PTPRG: variants seen among roughly 807,000 people sequenced by gnomAD.
The protein encoded by PTPRG is protein tyrosine phosphatase receptor type G.
A neutral mutation model predicts 165.3 loss-of-function variants in PTPRG; 102 were observed. The observed-to-expected ratio is 0.62, with a 90% CI of 0.53 to 0.73. The LOEUF (loss-of-function observed/expected upper bound fraction) is 0.73. PTPRG is among the 30% of genes least tolerant of loss of function. The probability of loss-of-function intolerance (pLI) is 0.00; values close to 1 mark genes in which losing one functional copy is unlikely to be tolerated. For missense variants in PTPRG, 1,866 were observed against 1,861.4 expected, an observed-to-expected ratio of 1.00 and a Z score of -0.05; for synonymous variants, 675 against 669.5, an observed-to-expected ratio of 1.01 and a Z score of -0.13.
intron 5 of PTPRG, among the ~76,000 whole-genome samples, chr3:62,097,710 G>C (rs1023156366): frequency 3.6e-4 from 54 of 152,102 alleles, no homozygotes; most frequent in Non-Finnish European, 6.6e-4. Context: ...AAAGAAGCAT[G>C]GTGTTGATTT....
rs542130534 is a variant in PTPRG, at chr3:61,949,866, G to C, written c.191-39759G>C. On this transcript the variant is annotated intron_variant, in intron 2 of 29. Coordinates refer to ENST00000474889, the MANE Select transcript of PTPRG (RefSeq NM_002841.4). ...GGGTTCAAGCAATTCTCCTGCCTCA[G>C]CCTCCTGAGTAGTTGGGACTACAGG... Among the ~76,000 whole-genome samples, 34 of 152,148 alleles carry C rather than the reference G, an allele frequency of 2.2e-4. No homozygotes were observed. The East Asian group carries it at 5.2e-3, about 23-fold the overall frequency.
chr3:62,117,950 A>G (rs1702925068), intron 5 of PTPRG, among the ~76,000 whole-genome samples: 1 of 152,208 alleles, frequency 6.6e-6, no homozygotes, highest in African/African-American at 2.4e-5. Context: ...TAATTTTAAC[A>G]GTAATGTTTA....
At chr3:62,248,881 T>C (rs778585946) in intron 15 of PTPRG, among the ~76,000 whole-genome samples, 12 of 152,280 alleles carry the variant, frequency 7.9e-5, no homozygotes, top group Non-Finnish European at 1.3e-4. Context: ...AAATACATCT[T>C]AATAATTTGA....
chr3:61,799,495 T>G (rs577110016), intron 2 of PTPRG, among the ~76,000 whole-genome samples: 1 of 152,180 alleles, frequency 6.6e-6, no homozygotes, highest in Non-Finnish European at 1.5e-5. Flanking sequence ...TCTCAGACTT[T>G]CCTTGTTCTT....
chr3:61,614,135 C>T lies in PTPRG; in HGVS notation c.85+51763C>T, dbSNP rs528940025. On this transcript the variant is annotated intron_variant, in intron 1 of 29. Coordinates refer to ENST00000474889, the MANE Select transcript of PTPRG (RefSeq NM_002841.4). ...GGCCTGCCTCCGCCTCTCACCTCTT[C>T]GCCTGTTGTTCCTCACTCACTCACT... Among the ~76,000 whole-genome samples the T allele has an allele frequency of 5.3e-4, 81 of 152,292 alleles. 6 individuals carry two copies. The South Asian group carries it at 0.016, about 30-fold the overall frequency.
At chr3:62,053,770 G>A (rs540622233) in intron 4 of PTPRG, among the ~76,000 whole-genome samples, 1 of 152,226 alleles carries the variant, frequency 6.6e-6, no homozygotes, top group Admixed American at 6.5e-5. Context: ...TCATCTAAAT[G>A]TAAACTAAAA....
chr3:61,656,527 T>C (rs2107006939), intron 1 of PTPRG, among the ~76,000 whole-genome samples: 1 of 152,360 alleles, frequency 6.6e-6, no homozygotes. Context: ...GCCAATTACT[T>C]GGTACCACTG....
At position 62,152,184 on chromosome 3, in the gene PTPRG, A is replaced by T. The variant is rs144808847; in HGVS notation, c.683-4883A>T. Among the ~76,000 whole-genome samples the T allele has an allele frequency of 2.1e-3, 325 of 151,616 alleles. 2 individuals carry two copies. Among genetic ancestry groups the T allele is most frequent in the African/African-American group, 6.5e-3 (268 of 41,276 alleles). On this transcript the variant is annotated intron_variant, in intron 6 of 29. Coordinates refer to ENST00000474889, the MANE Select transcript of PTPRG (RefSeq NM_002841.4). ...AGTTTGGGACCAGCTTGGGCAACAC[A>T]GCAAGACCTCATGTCTACTAATTTT... is the stretch of plus-strand genomic sequence containing the variant.
At chr3:62,100,267 G>A (rs1702244614) in intron 5 of PTPRG, among the ~76,000 whole-genome samples, 1 of 152,102 alleles carries the variant, frequency 6.6e-6, no homozygotes, top group Non-Finnish European at 1.5e-5. Flanking sequence ...CCAATTCTCA[G>A]CTCTGGTGAC....
intron 1 of PTPRG, among the ~76,000 whole-genome samples, chr3:61,736,632 A>G (rs936454244): frequency 2.6e-5 from 4 of 152,074 alleles, no homozygotes; most frequent in African/African-American, 9.7e-5. Context: ...TTGCTTTCCA[A>G]ACTTTTTCTT....
At position 62,295,333 on chromosome 3, in the gene PTPRG, G is replaced by A. The variant is rs769856425; in HGVS notation, c.*2026G>A. 1 of 152,036 alleles carries A rather than the reference G, an allele frequency of 6.6e-6. No homozygotes were observed. The highest frequency in any genetic ancestry group is 6.6e-5 in the Admixed American group (1 of 15,232). 9.4% of individuals were successfully genotyped at this position (152,036 alleles called of 1,614,324 possible). ...GACTCTTTTTTTAGTCAATTAAGTG[G>A]GTTGTTTTAGATGTATAGAGTATTG... On this transcript the variant is annotated 3_prime_UTR_variant, in exon 30 of 30. Transcript: ENST00000474889.
At chr3:62,000,116 A>G (rs1478396267) in intron 3 of PTPRG, among the ~76,000 whole-genome samples, 1 of 152,068 alleles carries the variant, frequency 6.6e-6, no homozygotes, top group African/African-American at 2.4e-5. Flanking sequence ...CAGCCTGGCT[A>G]ACATGGTGAA....
chr3:61,902,794 C>G (rs938086951), intron 2 of PTPRG, among the ~76,000 whole-genome samples: 1 of 151,996 alleles, frequency 6.6e-6, no homozygotes, highest in Non-Finnish European at 1.5e-5. Context: ...TAATATGTAT[C>G]TATCATTGTT....
intron 1 of PTPRG, among the ~76,000 whole-genome samples, chr3:61,588,997 C>A (rs1700503787): frequency 6.6e-6 from 1 of 152,132 alleles, no homozygotes; most frequent in African/African-American, 2.4e-5. Context: ...AAACAGGGGT[C>A]AGCAAATCAT....
At chr3:61,664,723 A>G (rs975300320) in intron 1 of PTPRG, among the ~76,000 whole-genome samples, 17 of 152,222 alleles carry the variant, frequency 1.1e-4, no homozygotes, top group Non-Finnish European at 1.5e-4. Context: ...CCCAGCTACT[A>G]GGGAGGCTGG....
intron 15 of PTPRG, among the ~76,000 whole-genome samples, chr3:62,248,630 T>C (rs1389838909): frequency 6.6e-6 from 1 of 152,204 alleles, no homozygotes; most frequent in Admixed American, 6.5e-5. Flanking sequence ...ATTATTCTTT[T>C]AGGCTTTCAT....
intron 1 of PTPRG, among the ~76,000 whole-genome samples, chr3:61,592,900 T>C (rs1481018755): frequency 1.3e-5 from 2 of 150,504 alleles, no homozygotes; most frequent in Non-Finnish European, 3.0e-5. Context: ...GACCTAAGTA[T>C]GGCCCGTGGG....
At chr3:62,186,565 TC>T (rs1474921084) in intron 8 of PTPRG, among the ~76,000 whole-genome samples, 5 of 136,572 alleles carry the variant, frequency 3.7e-5, no homozygotes, top group African/African-American at 1.4e-4. Context: ...TTTTTTCTTT[TC>T]CTTTTTTTTT....
chr3:61,839,683 C>T (rs2036566352), intron 2 of PTPRG, among the ~76,000 whole-genome samples: 1 of 152,162 alleles, frequency 6.6e-6, no homozygotes, highest in Non-Finnish European at 1.5e-5. Context: ...AGAGCTAACA[C>T]ATGTTCCATA....
Sources: gnomAD v4.1 joint callset for allele counts (sites outside exome capture counted in the v4.1 genomes callset) on GRCh38, gnomAD v4.1.1 for gene constraint, MANE v1.5 for transcripts, NCBI Gene and HGNC (gene_info 2026-07-23, HGNC 2026-07-21) for gene names.